The following CNTN1 variants were observed in gnomAD, a reference collection of about 807,000 sequenced individuals.
The protein encoded by CNTN1 is contactin-1.
In CNTN1, 38 loss-of-function variants were observed where a neutral mutation model predicts 126.4. That is an observed-to-expected ratio of 0.30 (90% confidence interval 0.23 to 0.39). The LOEUF is 0.39. Among genes scored for constraint, CNTN1 ranks in the 10% least tolerant of loss-of-function variants. CNTN1 has a pLI of 1.00. For missense variants in CNTN1, 1,009 were observed against 1,248.4 expected, an observed-to-expected ratio of 0.81 and a Z score of 2.89; for synonymous variants, 413 against 422.6, an observed-to-expected ratio of 0.98 and a Z score of 0.28.
rs11178006 is a variant in CNTN1, at chr12:40,713,510, C to T, written c.-77+20918C>T. On this transcript the variant is annotated intron_variant, in intron 1 of 23. Coordinates refer to ENST00000551295, the MANE Select transcript of CNTN1 (RefSeq NM_001843.4). The stretch of plus-strand genomic sequence containing the variant: ...ACTCAGTGATTTCTGTTTCTTTATG[C>T]TAATAACCTATTGATTATTTGGAAT... 2.6e-5 allele frequency among the ~76,000 whole-genome samples: 4 copies of T among 151,488 alleles called. No individual in the cohort carries two copies. In the South Asian group the frequency reaches 8.3e-4, roughly 32 times the overall value.
rs765353805 is a variant in CNTN1 at position 40,944,148 on chromosome 12, T to C, written c.1661T>C (p.Ile554Thr). ...GYVIDFNKEN[I>T]HYQRNFMLDS... ...GTGATCGATTTTAACAAAGAGAATATTCACTACCAGAGGAATTTTATGGTA... is the reference window on the plus strand; with the variant it reads ...GTGATCGATTTTAACAAAGAGAATACTCACTACCAGAGGAATTTTATGGTA... The change falls in exon 14 of 24, where the codon ATT (isoleucine) becomes ACT (threonine). Residue 554 changes from isoleucine (I) to threonine (T), a missense_variant. Coordinates refer to ENST00000551295, the MANE Select transcript of CNTN1 (RefSeq NM_001843.4). The C allele has an allele frequency of 6.2e-7, 1 of 1,613,252 alleles. No individual in the cohort carries two copies. Among genetic ancestry groups the C allele is most frequent in the South Asian group, 1.1e-5 (1 of 91,066 alleles).
chr12:40,814,401 A>AT (rs945969340), intron 1 of CNTN1, among the ~76,000 whole-genome samples: 4 of 152,050 alleles, frequency 2.6e-5, no homozygotes, highest in Non-Finnish European at 4.4e-5. Context: ...GTCCAGTTCC[A>AT]TTTTTTCTCC....
rs1244818461 is a variant in CNTN1, at chr12:41,072,143, A to G, written c.*2108A>G. 1.3e-5 allele frequency: 2 copies of G among 152,202 alleles called. No individual in the cohort carries two copies. The highest frequency in any genetic ancestry group is 2.9e-5 in the Non-Finnish European group (2 of 68,032). The allele number at this position is 152,202 out of a possible 1,614,324, so 9.4% of individuals were successfully genotyped here. On this transcript the variant is annotated 3_prime_UTR_variant, in exon 24 of 24. Coordinates refer to ENST00000551295, the MANE Select transcript of CNTN1 (RefSeq NM_001843.4). ...TTGTACAGATTTAACTGGGACCATC[A>G]GTTTTAAACTGTTGTCAAGCTAACT... is the stretch of plus-strand genomic sequence containing the variant.
At chr12:40,797,166 C>G (rs913478305) in intron 1 of CNTN1, among the ~76,000 whole-genome samples, 1 of 152,010 alleles carries the variant, frequency 6.6e-6, no homozygotes, top group African/African-American at 2.4e-5. Flanking sequence ...GTAAGTGAGA[C>G]AAATGTGATC....
chr12:40,730,941 G>C (rs1173021200), intron 1 of CNTN1, among the ~76,000 whole-genome samples: 1 of 151,956 alleles, frequency 6.6e-6, no homozygotes, highest in East Asian at 1.9e-4. Context: ...AGATGTAAAA[G>C]TTTAAATGAC....
intron 1 of CNTN1, among the ~76,000 whole-genome samples, chr12:40,766,202 A>G (rs1033776800): frequency 6.6e-6 from 1 of 152,096 alleles, no homozygotes; most frequent in Non-Finnish European, 1.5e-5. Flanking sequence ...TACTAAAAAT[A>G]CAAAAATTAG....
intron 1 of CNTN1, among the ~76,000 whole-genome samples, chr12:40,829,367 T>C (rs1044069436): frequency 6.6e-6 from 1 of 152,080 alleles, no homozygotes; most frequent in East Asian, 1.9e-4. Context: ...ATATGCACTA[T>C]AATATATAGG....
At chr12:40,930,053 G>T in intron 7 of CNTN1, 51 bp downstream of exon 7, 1 of 1,313,788 alleles carries the variant, frequency 7.6e-7, no homozygotes, top group South Asian at 1.2e-5. Flanking sequence ...TCTACATATG[G>T]TATACTTACC....
intron 1 of CNTN1, among the ~76,000 whole-genome samples, chr12:40,724,592 T>G (rs1253645348): frequency 6.6e-6 from 1 of 152,228 alleles, no homozygotes; most frequent in Non-Finnish European, 1.5e-5. Flanking sequence ...TGGAAGAACC[T>G]ATCTCAATAC....
chr12:40,857,571 A>G (rs139825961), intron 1 of CNTN1, among the ~76,000 whole-genome samples: 280 of 152,294 alleles, frequency 1.8e-3, no homozygotes, highest in South Asian at 6.0e-3. Flanking sequence ...AGACAGAACT[A>G]TGGTGCTGCT....
At chr12:40,737,269 A>G (rs1426400060) in intron 1 of CNTN1, among the ~76,000 whole-genome samples, 1 of 127,620 alleles carries the variant, frequency 7.8e-6, no homozygotes, top group African/African-American at 2.9e-5. Flanking sequence ...AGAGGGACAG[A>G]ACTAATAGGA....
chr12:40,781,269 T>C (rs1939793765), intron 1 of CNTN1, among the ~76,000 whole-genome samples: 1 of 151,746 alleles, frequency 6.6e-6, no homozygotes, highest in South Asian at 2.1e-4. Flanking sequence ...AGATAAAGAG[T>C]GAAGTCAGAA....
intron 1 of CNTN1, among the ~76,000 whole-genome samples, chr12:40,837,066 C>T (rs905739017): frequency 6.6e-6 from 1 of 152,078 alleles, no homozygotes; most frequent in Admixed American, 6.6e-5. Flanking sequence ...TGTTCATCTC[C>T]CTTTCCTTTT....
intron 15 of CNTN1, among the ~76,000 whole-genome samples, chr12:40,968,233 C>T (rs2137035911): frequency 6.6e-6 from 1 of 152,226 alleles, no homozygotes; most frequent in African/African-American, 2.4e-5. Context: ...CAAATATATT[C>T]AATGTGATAA....
At chr12:40,847,690 T>C (rs1942562132) in intron 1 of CNTN1, among the ~76,000 whole-genome samples, 1 of 152,206 alleles carries the variant, frequency 6.6e-6, no homozygotes, top group Admixed American at 6.5e-5. Context: ...TATATTTTAC[T>C]AGTTATATCC....
At chr12:41,008,498 A>G (rs1329402358) in intron 17 of CNTN1, among the ~76,000 whole-genome samples, 1 of 152,120 alleles carries the variant, frequency 6.6e-6, no homozygotes, top group African/African-American at 2.4e-5. Flanking sequence ...AACTTGCAAT[A>G]TGATTGGGAG....
intron 15 of CNTN1, among the ~76,000 whole-genome samples, chr12:40,980,195 T>C (rs1382481642): frequency 6.6e-6 from 1 of 152,128 alleles, no homozygotes; most frequent in Non-Finnish European, 1.5e-5. Context: ...CACTTTGGAA[T>C]GCCTAGGCAT....
chr12:40,949,569 CTTTTTTTTTTTTTTT>C (rs36070275), intron 14 of CNTN1, among the ~76,000 whole-genome samples: 11 of 64,310 alleles, frequency 1.7e-4, no homozygotes, highest in Non-Finnish European at 2.5e-4. Context: ...TCTTTTCTTT[CTTTTTTTTTTTTTTT>C]TTTTTTTTTT....
At chr12:40,901,009 A>G (rs1339955341) in intron 1 of CNTN1, among the ~76,000 whole-genome samples, 2 of 152,228 alleles carry the variant, frequency 1.3e-5, no homozygotes, top group African/African-American at 4.8e-5. Context: ...AAGGTGACAC[A>G]GTAACCTCAG....
Sources: gnomAD v4.1 joint callset for allele counts (sites outside exome capture counted in the v4.1 genomes callset) on GRCh38, gnomAD v4.1.1 for gene constraint, MANE v1.5 for transcripts, NCBI Gene and HGNC (gene_info 2026-07-23, HGNC 2026-07-21) for gene names.